The following DGKB variants were observed in gnomAD, a reference collection of about 807,000 sequenced individuals.
DGKB encodes the protein diacylglycerol kinase beta.
A neutral mutation model predicts 114.3 loss-of-function variants in DGKB; 67 were observed. The observed-to-expected ratio is 0.59, with a 90% CI of 0.48 to 0.72. DGKB has a LOEUF of 0.72. Ranked by LOEUF, DGKB falls within the 30% of genes least tolerant of loss-of-function variation. The pLI, the probability that DGKB is intolerant of heterozygous loss-of-function variation, is 0.00. For missense variants in DGKB, 907 were observed against 975.2 expected (o/e 0.93, Z 0.93); for synonymous variants, 398 against 323.1 (o/e 1.23, Z -2.49).
rs371422506 is a variant in DGKB at position 14,512,532 on chromosome 7, T to C, written c.1771-34307A>G. 2.7e-3 allele frequency among the ~76,000 whole-genome samples: 413 copies of C among 152,276 alleles called. 2 individuals carry two copies. The highest frequency in any genetic ancestry group is 9.0e-3 in the African/African-American group (374 of 41,572). Reference sequence around the variant, plus strand: ...GAATGCTCTTTCTATAATCTCTTCCTGACAACTCAGTCTTTTATTTTCTTT... The same window carrying C: ...GAATGCTCTTTCTATAATCTCTTCCCGACAACTCAGTCTTTTATTTTCTTT... On this transcript the variant is annotated intron_variant, in intron 20 of 25. Transcript: ENST00000402815.
intron 25 of DGKB, among the ~76,000 whole-genome samples, chr7:14,160,537 C>G (rs1412368710): frequency 6.6e-6 from 1 of 152,096 alleles, no homozygotes; most frequent in Non-Finnish European, 1.5e-5. Context: ...AATAAAATAC[C>G]TAGGAATACG....
At chr7:14,644,622 G>T (rs1001292057) in intron 13 of DGKB, among the ~76,000 whole-genome samples, 2 of 152,032 alleles carry the variant, frequency 1.3e-5, no homozygotes, top group Non-Finnish European at 2.9e-5. Flanking sequence ...CTTAAAGACA[G>T]ATCTTTTGAA....
intron 13 of DGKB, among the ~76,000 whole-genome samples, chr7:14,632,802 T>C (rs1809992129): frequency 2.0e-5 from 3 of 151,706 alleles, no homozygotes; most frequent in Non-Finnish European, 4.4e-5. Context: ...GGGGAACTGT[T>C]AAAGATAAAT....
intron 9 of DGKB, among the ~76,000 whole-genome samples, chr7:14,685,991 T>G (rs1481627488): frequency 6.6e-6 from 1 of 152,184 alleles, no homozygotes; most frequent in Non-Finnish European, 1.5e-5. Flanking sequence ...AAAGGCAAAC[T>G]TTTTAAAGGA....
intron 1 of DGKB, among the ~76,000 whole-genome samples, chr7:14,942,607 T>TACC (rs1340669810): frequency 2.6e-5 from 4 of 151,998 alleles, no homozygotes; most frequent in Non-Finnish European, 2.9e-5. Flanking sequence ...CTCTTCCATC[T>TACC]ACCACTCTTC....
chr7:14,519,087 T>A (rs1250631476), intron 20 of DGKB, among the ~76,000 whole-genome samples: 1 of 152,078 alleles, frequency 6.6e-6, no homozygotes, highest in African/African-American at 2.4e-5. Context: ...TTTAAACAAT[T>A]TTATTGATGT....
intron 17 of DGKB, among the ~76,000 whole-genome samples, chr7:14,591,647 T>C (rs1012837301): frequency 6.6e-6 from 1 of 152,244 alleles, no homozygotes; most frequent in Non-Finnish European, 1.5e-5. Flanking sequence ...ACTGTTCCTA[T>C]AGTTAACGAC....
intron 23 of DGKB, among the ~76,000 whole-genome samples, chr7:14,278,150 A>G (rs990063218): frequency 6.6e-6 from 1 of 152,218 alleles, no homozygotes; most frequent in African/African-American, 2.4e-5. Context: ...CACTCTTTAA[A>G]TTCTCATGGA....
chr7:14,447,005 A>C (rs1425470185), intron 21 of DGKB, among the ~76,000 whole-genome samples: 3 of 152,118 alleles, frequency 2.0e-5, no homozygotes, highest in Admixed American at 2.0e-4. Flanking sequence ...AGGCACAATA[A>C]ATTAACTATG....
chr7:14,332,888 C>A (rs1809975120), intron 23 of DGKB, among the ~76,000 whole-genome samples: 1 of 152,034 alleles, frequency 6.6e-6, no homozygotes, highest in South Asian at 2.1e-4. Context: ...TGATGGGTAC[C>A]TGGACAGTTG....
intron 1 of DGKB, among the ~76,000 whole-genome samples, chr7:14,973,206 T>C (rs7805162): frequency 0.41 from 61,638 of 151,748 alleles, 14,350 homozygotes; most frequent in East Asian, 0.68. Flanking sequence ...GACTTCTGAA[T>C]ATATTTCTTC....
intron 25 of DGKB, among the ~76,000 whole-genome samples, chr7:14,160,501 C>T (rs1454890022): frequency 6.6e-6 from 1 of 151,888 alleles, no homozygotes; most frequent in African/African-American, 2.4e-5. Context: ...AGAGAGCCAA[C>T]TCCTATTGGC....
intron 17 of DGKB, among the ~76,000 whole-genome samples, chr7:14,595,292 G>T (rs980408494): frequency 2.0e-5 from 3 of 152,012 alleles, no homozygotes; most frequent in Non-Finnish European, 4.4e-5. Context: ...TGAGAAAGCG[G>T]TTCTTTAGTG....
At position 14,148,940 on chromosome 7, in the gene DGKB, GA is replaced by G. The variant is rs1781774428; in HGVS notation, c.*190del. On this transcript the variant is annotated 3_prime_UTR_variant, in exon 26 of 26. Transcript: ENST00000402815. ...TAAACTTCTGCTTTCTTCATGCAAA[GA>G]TGCCTATAAAAACTGAGACAATAAA... The G allele has an allele frequency of 3.4e-6, 2 of 592,624 alleles. No homozygotes were observed. Among genetic ancestry groups the G allele is most frequent in the African/African-American group, 3.8e-5 (2 of 52,644 alleles). 36.7% of individuals were successfully genotyped at this position (592,624 alleles called of 1,614,324 possible).
At chr7:14,528,357 T>A (rs1015915486) in intron 20 of DGKB, among the ~76,000 whole-genome samples, 2 of 152,022 alleles carry the variant, frequency 1.3e-5, no homozygotes, top group African/African-American at 4.8e-5. Flanking sequence ...ATGCCTTACA[T>A]ATGGTGGTGT....
chr7:14,536,537 C>A (rs1049112557), intron 20 of DGKB, among the ~76,000 whole-genome samples: 3 of 152,240 alleles, frequency 2.0e-5, no homozygotes, highest in South Asian at 2.1e-4. Context: ...GGATACATGA[C>A]CTTAGCAAAC....
At chr7:14,767,155 A>G (rs940542412) in intron 2 of DGKB, among the ~76,000 whole-genome samples, 5 of 151,740 alleles carry the variant, frequency 3.3e-5, no homozygotes, top group Non-Finnish European at 4.4e-5. Flanking sequence ...AAAAGAGAAA[A>G]AAAACAGCAT....
At chr7:14,574,940 C>A (rs1041314715) in intron 19 of DGKB, among the ~76,000 whole-genome samples, 1 of 152,092 alleles carries the variant, frequency 6.6e-6, no homozygotes, top group African/African-American at 2.4e-5. Flanking sequence ...TGGTTTGCAT[C>A]TATTTCTTTG....
In DGKB at chr7:14,202,374, G is replaced by A. The variant is rs1411299101; in HGVS notation, c.2123-24223C>T. On this transcript the variant is annotated intron_variant, in intron 23 of 25. Transcript: ENST00000402815. Reference sequence around the variant, plus strand: ...CTCTCAACATCATGAGGCTACTGATGGAAAGTGCCTTTAGGTATCTGTCAT... The same window carrying A: ...CTCTCAACATCATGAGGCTACTGATAGAAAGTGCCTTTAGGTATCTGTCAT... Among the ~76,000 whole-genome samples, 3 of 151,904 alleles carry A rather than the reference G, an allele frequency of 2.0e-5. No individual in the cohort carries two copies. The East Asian group carries it at 5.8e-4, about 29-fold the overall frequency.
Sources: gnomAD v4.1 joint callset for allele counts (sites outside exome capture counted in the v4.1 genomes callset) on GRCh38, gnomAD v4.1.1 for gene constraint, MANE v1.5 for transcripts, NCBI Gene and HGNC (gene_info 2026-07-23, HGNC 2026-07-21) for gene names.